The following HSF2BP variants were observed in gnomAD, a reference collection of about 807,000 sequenced individuals.
The protein encoded by HSF2BP is heat shock factor 2-binding protein.
Under a neutral mutation model 35.0 loss-of-function variants are expected in HSF2BP, and 35 were observed. The observed-to-expected ratio is 1.00, with a 90% confidence interval of 0.76 to 1.32. The LOEUF (loss-of-function observed/expected upper bound fraction) is 1.32, where lower values mean the gene tolerates loss of function less well. Ranked by LOEUF, HSF2BP falls within the 40% of genes most tolerant of loss-of-function variation. The pLI, the probability that HSF2BP is intolerant of heterozygous loss-of-function variation, is 0.00. For missense variants in HSF2BP, 326 were observed against 321.7 expected, an observed-to-expected ratio of 1.01 and a Z score of -0.10; for synonymous variants, 114 against 117.4, an observed-to-expected ratio of 0.97 and a Z score of 0.18.
At chr21:43,588,757 G>A (rs2081889387) in intron 8 of HSF2BP, among the ~76,000 whole-genome samples, 1 of 152,112 alleles carries the variant, frequency 6.6e-6, no homozygotes, top group Admixed American at 6.5e-5. Context: ...GCTTGCTCAC[G>A]GCCCGTAACA....
chr21:43,590,774 C>G (rs1358767476), intron 8 of HSF2BP, among the ~76,000 whole-genome samples: 1 of 152,126 alleles, frequency 6.6e-6, no homozygotes, highest in Non-Finnish European at 1.5e-5. Flanking sequence ...TATGATTCCA[C>G]TTATATAAAA....
rs986404398 is a variant in HSF2BP, at chr21:43,655,010, C to T, written c.187+1577G>A. Among the ~76,000 whole-genome samples, 3 of 152,210 alleles carry T rather than the reference C, an allele frequency of 2.0e-5. No homozygotes were observed. In the South Asian group the frequency reaches 6.2e-4, roughly 31 times the overall value. On this transcript the variant is annotated intron_variant, in intron 3 of 8. Transcript: ENST00000291560. ...ACTATGAGATAAGATCTCCCAAAGG[C>T]AGACTGTGATCAAGTGACCACAGAT...
chr21:43,628,473 CA>C (rs2082415082), intron 6 of HSF2BP, among the ~76,000 whole-genome samples: 1 of 152,198 alleles, frequency 6.6e-6, no homozygotes, highest in Non-Finnish European at 1.5e-5. Context: ...TGAAGGCTGA[CA>C]GGGGTAAGGA....
chr21:43,623,127 A>G (rs2082350297), intron 6 of HSF2BP, among the ~76,000 whole-genome samples: 1 of 152,162 alleles, frequency 6.6e-6, no homozygotes, highest in South Asian at 2.1e-4. Context: ...TGACCACAAT[A>G]CAATAAAACT....
In HSF2BP at chr21:43,617,895, A is replaced by C. The variant is rs367912516; in HGVS notation, c.575-3948T>G. ...CTTGAACCCGGGAGGCAGAGGCTGC[A>C]GTGAGCTGAGATGGTGCCACTGCAC... On this transcript the variant is annotated intron_variant, in intron 6 of 8. Coordinates refer to ENST00000291560, the MANE Select transcript of HSF2BP (RefSeq NM_007031.2). Among the ~76,000 whole-genome samples the C allele has an allele frequency of 2.0e-5, 3 of 152,310 alleles. No individual in the cohort carries two copies. In the East Asian group the frequency reaches 5.8e-4, roughly 29 times the overall value.
At chr21:43,657,861 T>C (rs1328966191) in intron 2 of HSF2BP, 200 bp downstream of exon 2, 1 of 985,336 alleles carries the variant, frequency 1.0e-6, no homozygotes, top group East Asian at 1.1e-4. Flanking sequence ...GGTCCCCGCG[T>C]GGGTTTGGAG....
chr21:43,646,039 G>A (rs1043581023), intron 3 of HSF2BP, among the ~76,000 whole-genome samples: 4 of 151,894 alleles, frequency 2.6e-5, no homozygotes, highest in South Asian at 2.1e-4. Flanking sequence ...TTAGGGGCCC[G>A]GCTCGGTGGC....
At chr21:43,634,950 G>A (rs897705790) in intron 4 of HSF2BP, among the ~76,000 whole-genome samples, 2 of 152,084 alleles carry the variant, frequency 1.3e-5, no homozygotes, top group Non-Finnish European at 2.9e-5. Flanking sequence ...AGGATATGGT[G>A]GTTCTTCTGC....
intron 6 of HSF2BP, among the ~76,000 whole-genome samples, chr21:43,617,108 T>C (rs947169796): frequency 2.6e-5 from 4 of 152,100 alleles, no homozygotes; most frequent in African/African-American, 7.2e-5. Flanking sequence ...AGCAGCAAAC[T>C]GTCCCTGCCA....
chr21:43,499,866 G>A, the HSF2BP span, among the ~76,000 whole-genome samples: 89 of 109,172 alleles, frequency 8.2e-4, 4 homozygotes, highest in African/African-American at 2.9e-3. Context: ...ATGCATACAC[G>A]CCACACTACA....
intron 8 of HSF2BP, among the ~76,000 whole-genome samples, chr21:43,589,563 T>G (rs981124609): frequency 1.3e-5 from 2 of 152,054 alleles, no homozygotes; most frequent in Non-Finnish European, 2.9e-5. Flanking sequence ...AAAACAACCT[T>G]GAAAGAGAAC....
In HSF2BP at chr21:43,597,922, C is replaced by T. The variant is rs1160794737; in HGVS notation, c.693-5594G>A. ...ATTATAAAGGGACTAACTAAATATACTATGGTACATGTAACACATGCATGC... is the reference window on the plus strand; with the variant it reads ...ATTATAAAGGGACTAACTAAATATATTATGGTACATGTAACACATGCATGC... On this transcript the variant is annotated intron_variant, in intron 7 of 8. Coordinates refer to ENST00000291560, the MANE Select transcript of HSF2BP (RefSeq NM_007031.2). This position sits in a 1 kb window ranked among gnomAD's most constrained non-coding sequence, Gnocchi z 4.3. 6.6e-6 allele frequency among the ~76,000 whole-genome samples: 1 copy of T among 152,208 alleles called. No individual in the cohort carries two copies. The highest frequency in any genetic ancestry group is 1.5e-5 in the Non-Finnish European group (1 of 68,030).
intron 7 of HSF2BP, among the ~76,000 whole-genome samples, chr21:43,593,011 A>G (rs903560272): frequency 3.9e-5 from 6 of 152,228 alleles, no homozygotes; most frequent in Non-Finnish European, 8.8e-5. Context: ...GGCTAGACAA[A>G]TATTTTTTGC....
At chr21:43,625,494 A>C (rs1356233462) in intron 6 of HSF2BP, among the ~76,000 whole-genome samples, 1 of 152,162 alleles carries the variant, frequency 6.6e-6, no homozygotes, top group African/African-American at 2.4e-5. Flanking sequence ...TCCACAACCT[A>C]ATTGTGGTGG....
At chr21:43,572,163 T>C (rs1333231661) in intron 8 of HSF2BP, among the ~76,000 whole-genome samples, 1 of 152,088 alleles carries the variant, frequency 6.6e-6, no homozygotes, top group Non-Finnish European at 1.5e-5. Context: ...TCAGCCAGGA[T>C]GTGCAAGAGA....
chr21:43,651,647 T>C (rs11089090), intron 3 of HSF2BP, among the ~76,000 whole-genome samples: 6,249 of 152,294 alleles, frequency 0.041, 439 homozygotes, highest in African/African-American at 0.14. Context: ...CCATAAACTG[T>C]TCATTTTCCA....
chr21:43,649,995 G>C (rs959780077), intron 3 of HSF2BP, among the ~76,000 whole-genome samples: 5 of 152,052 alleles, frequency 3.3e-5, no homozygotes, highest in South Asian at 2.1e-4. Context: ...GTCTTCTTGC[G>C]ACTTCACAAG....
At chr21:43,603,502 C>A (rs1601649944) in intron 7 of HSF2BP, among the ~76,000 whole-genome samples, 1 of 152,248 alleles carries the variant, frequency 6.6e-6, no homozygotes, top group African/African-American at 2.4e-5. Context: ...CACTGAACTG[C>A]CGCAGCCTTG....
At chr21:43,608,379 C>T (rs1253552433) in intron 7 of HSF2BP, among the ~76,000 whole-genome samples, 3 of 152,064 alleles carry the variant, frequency 2.0e-5, no homozygotes, top group African/African-American at 2.4e-5. Flanking sequence ...CAGGGAAACG[C>T]AAATCAAAAC....
Sources: gnomAD v4.1 joint callset for allele counts (sites outside exome capture counted in the v4.1 genomes callset) on GRCh38, gnomAD v4.1.1 for gene constraint, Gnocchi (gnomAD v3.1) non-coding constraint, MANE v1.5 for transcripts, NCBI Gene and HGNC (gene_info 2026-07-23, HGNC 2026-07-21) for gene names.